Variants in ARHGAP24 observed in about 807,000 individuals in gnomAD.
ARHGAP24 encodes rho GTPase-activating protein 24.
ARHGAP24 carries 50 observed loss-of-function variants against 76.4 expected under a neutral mutation model. The observed-to-expected ratio is 0.65, with a 90% CI of 0.52 to 0.83. The LOEUF (loss-of-function observed/expected upper bound fraction) is 0.83. Among genes scored for constraint, ARHGAP24 ranks in the 40% least tolerant of loss-of-function variants. The probability of loss-of-function intolerance (pLI) is 0.00; values close to 1 mark genes in which losing one functional copy is unlikely to be tolerated. For missense variants in ARHGAP24, 930 were observed against 914.2 expected, an observed-to-expected ratio of 1.02 and a Z score of -0.22; for synonymous variants, 345 against 323.3, an observed-to-expected ratio of 1.07 and a Z score of -0.72.
chr4:85,587,694 A>G (rs1464234662), intron 2 of ARHGAP24, among the ~76,000 whole-genome samples: 3 of 152,198 alleles, frequency 2.0e-5, no homozygotes, highest in Non-Finnish European at 4.4e-5. Context: ...GTGCAGTTCC[A>G]TCAATCCCTT....
At chr4:85,543,422 G>A (rs1725786631) in intron 1 of ARHGAP24, among the ~76,000 whole-genome samples, 1 of 152,222 alleles carries the variant, frequency 6.6e-6, no homozygotes, top group African/African-American at 2.4e-5. Flanking sequence ...TGGAGGGAAT[G>A]CGGAGGACAG....
At chr4:85,944,643 G>A (rs1737148443) in intron 5 of ARHGAP24, among the ~76,000 whole-genome samples, 1 of 152,054 alleles carries the variant, frequency 6.6e-6, no homozygotes, top group Admixed American at 6.6e-5. Context: ...GTCTTTGTCT[G>A]GGGCCTCTTT....
intron 5 of ARHGAP24, among the ~76,000 whole-genome samples, chr4:85,959,842 C>A (rs1738140884): frequency 6.6e-6 from 1 of 152,164 alleles, no homozygotes; most frequent in Non-Finnish European, 1.5e-5. Context: ...TTTTATTCTA[C>A]CCATTCTAGT....
intron 3 of ARHGAP24, among the ~76,000 whole-genome samples, chr4:85,781,628 G>A (rs2110085077): frequency 6.8e-6 from 1 of 146,938 alleles, no homozygotes; most frequent in Non-Finnish European, 1.5e-5. Context: ...AAGTGTTAAA[G>A]CATCAGATGG....
intron 1 of ARHGAP24, among the ~76,000 whole-genome samples, chr4:85,566,491 A>T (rs887009033): frequency 6.6e-6 from 1 of 152,326 alleles, no homozygotes; most frequent in African/African-American, 2.4e-5. Flanking sequence ...CTTCTATGTC[A>T]AAGGAAAAAA....
At chr4:85,968,137 T>C (rs946812353) in intron 5 of ARHGAP24, among the ~76,000 whole-genome samples, 1 of 152,100 alleles carries the variant, frequency 6.6e-6, no homozygotes, top group African/African-American at 2.4e-5. Context: ...CCAGTTTCAA[T>C]TTTATTTAAC....
At chr4:85,728,232 C>CAAA (rs143928362) in intron 3 of ARHGAP24, among the ~76,000 whole-genome samples, 16 of 90,544 alleles carry the variant, frequency 1.8e-4, no homozygotes, top group African/African-American at 5.6e-4. Context: ...ATCCTTTTGC[C>CAAA]AAAAAAAAAA....
intron 3 of ARHGAP24, among the ~76,000 whole-genome samples, chr4:85,915,054 T>C (rs573945751): frequency 7.0e-4 from 106 of 152,334 alleles, no homozygotes; most frequent in African/African-American, 2.5e-3. Context: ...TCTTGGAAGA[T>C]TCTATCAGAA....
At chr4:85,655,810 G>GAGAA (rs1279255347) in intron 2 of ARHGAP24, among the ~76,000 whole-genome samples, 152 of 78,238 alleles carry the variant, frequency 1.9e-3, no homozygotes, top group African/African-American at 9.8e-3. Flanking sequence ...GAGAGAGAGA[G>GAGAA]AGAGAGAAAG....
chr4:85,716,760 T>G (rs1724748327), intron 2 of ARHGAP24, among the ~76,000 whole-genome samples: 1 of 152,048 alleles, frequency 6.6e-6, no homozygotes, highest in Non-Finnish European at 1.5e-5. Flanking sequence ...AACCAGTGGA[T>G]AGGTAAAACA....
chr4:85,955,267 T>C (rs1344169335), intron 5 of ARHGAP24, among the ~76,000 whole-genome samples: 2 of 148,626 alleles, frequency 1.3e-5, no homozygotes, highest in African/African-American at 2.5e-5. Context: ...TCCTTTCCAG[T>C]TGGAAGAGCC....
intron 3 of ARHGAP24, among the ~76,000 whole-genome samples, chr4:85,733,060 C>CTTGTTTTTT (rs1725470586): frequency 1.8e-5 from 1 of 55,206 alleles, no homozygotes; most frequent in Non-Finnish European, 3.2e-5. Context: ...GCCTCACCAA[C>CTTGTTTTTT]TTTTTTTTTT....
At chr4:85,541,578 T>A (rs1465767968) in intron 1 of ARHGAP24, among the ~76,000 whole-genome samples, 2 of 152,222 alleles carry the variant, frequency 1.3e-5, no homozygotes, top group Non-Finnish European at 2.9e-5. Context: ...AAATAATCCA[T>A]ATTATTTCAA....
At chr4:85,855,785 A>AG (rs1731522155) in intron 3 of ARHGAP24, among the ~76,000 whole-genome samples, 1 of 151,428 alleles carries the variant, frequency 6.6e-6, no homozygotes, top group African/African-American at 2.4e-5. Flanking sequence ...AAAAAAAAAA[A>AG]AGAATCTGAC....
chr4:85,865,682 A>G (rs1236970590), intron 3 of ARHGAP24, among the ~76,000 whole-genome samples: 1 of 151,244 alleles, frequency 6.6e-6, no homozygotes, highest in Non-Finnish European at 1.5e-5. Flanking sequence ...GGAAGTAAGC[A>G]TGGAATATTG....
At chr4:85,685,371 G>A (rs1470417132) in intron 2 of ARHGAP24, among the ~76,000 whole-genome samples, 1 of 151,952 alleles carries the variant, frequency 6.6e-6, no homozygotes, top group Non-Finnish European at 1.5e-5. Flanking sequence ...GGTGGCTCAC[G>A]CCTGTAATCC....
chr4:85,950,758 G>T (rs2148832079), intron 5 of ARHGAP24, among the ~76,000 whole-genome samples: 1 of 150,418 alleles, frequency 6.6e-6, no homozygotes, highest in East Asian at 2.0e-4. Context: ...TGCAACCTCT[G>T]TCCCTGGGTT....
At chr4:85,481,676 A>ACTT (rs1478479549) in intron 1 of ARHGAP24, among the ~76,000 whole-genome samples, 2 of 152,224 alleles carry the variant, frequency 1.3e-5, no homozygotes, top group African/African-American at 2.4e-5. Flanking sequence ...TATATCCATT[A>ACTT]CTTCATTCCA....
intron 1 of ARHGAP24, among the ~76,000 whole-genome samples, chr4:85,553,735 C>G (rs112169302): frequency 6.6e-6 from 1 of 152,248 alleles, no homozygotes; most frequent in Admixed American, 6.5e-5. Flanking sequence ...CTCTAGAAGA[C>G]AGCATACCAT....
Sources: allele counts gnomAD v4.1 joint callset (sites outside exome capture counted in the v4.1 genomes callset), GRCh38; gene constraint gnomAD v4.1.1; transcripts MANE v1.5; gene names NCBI Gene and HGNC (gene_info 2026-07-23, HGNC 2026-07-21).